The following SF3B3 variants were observed in gnomAD, a reference collection of about 807,000 sequenced individuals.
The protein encoded by SF3B3 is SAP 130.
A neutral mutation model predicts 139.2 loss-of-function variants in SF3B3; 33 were observed. That is an observed-to-expected ratio of 0.24 (90% CI 0.18 to 0.32). The LOEUF (loss-of-function observed/expected upper bound fraction) is 0.32. Among genes scored for constraint, SF3B3 ranks in the 10% least tolerant of loss-of-function variants. The pLI is 1.00. For missense variants in SF3B3, 818 were observed against 1,509.4 expected (o/e 0.54, Z 7.59); for synonymous variants, 596 against 563.6 (o/e 1.06, Z -0.81).
chr16:70,561,627 C>A lies in SF3B3; in HGVS notation c.2134-3C>A. The stretch of plus-strand genomic sequence containing the variant: ...TGGAGCTGGGTTTTTTTTTTCCCCT[C>A]AGGTATTGGCCATGTCAAGCCGCTC... On this transcript the variant is annotated splice_region_variant and splice_polypyrimidine_tract_variant and intron_variant, in intron 16 of 25. Coordinates refer to ENST00000302516, the MANE Select transcript of SF3B3 (RefSeq NM_012426.5). 6.2e-7 allele frequency: 1 copy of A among 1,606,192 alleles called. No individual in the cohort carries two copies.
chr16:70,540,028 A>G (rs1166486912), intron 8 of SF3B3, among the ~76,000 whole-genome samples: 1 of 146,742 alleles, frequency 6.8e-6, no homozygotes, highest in Non-Finnish European at 1.5e-5. Context: ...GCCTGCCTCG[A>G]CCTCCCAAAG....
Position 70,544,495 on chromosome 16 carries a change from C to A in SF3B3, c.1291C>A (p.Pro431Thr). ...GTTGTATGTGGCCTGTGGTAGGGGACCCCGATCATCTCTGAGAGTCCTAAG... is the reference window on the plus strand; with the variant it reads ...GTTGTATGTGGCCTGTGGTAGGGGAACCCGATCATCTCTGAGAGTCCTAAG... ...PQLYVACGRGPRSSLRVLRHG... is the reference protein window; with the variant it reads ...PQLYVACGRGTRSSLRVLRHG... The change falls in exon 10 of 26, where the codon CCC (proline) becomes ACC (threonine). Residue 431 changes from proline to threonine, a missense_variant. Physicochemically the swap from Pro to Thr is conservative, Grantham distance 38. Coordinates refer to ENST00000302516, the MANE Select transcript of SF3B3 (RefSeq NM_012426.5). 1.2e-6 allele frequency: 2 copies of A among 1,611,972 alleles called. No homozygotes were observed. Among genetic ancestry groups the A allele is most frequent in the Non-Finnish European group, 1.7e-6 (2 of 1,178,116 alleles).
chr16:70,556,511 G>A (rs909538824), intron 14 of SF3B3, 177 bp downstream of exon 14: 2 of 681,174 alleles, frequency 2.9e-6, no homozygotes, highest in African/African-American at 3.6e-5. Flanking sequence ...GTTTCCTGCT[G>A]TGGTTTAAGG....
chr16:70,571,720 C>G lies in SF3B3; in HGVS notation c.3561C>G (p.Pro1187=), dbSNP rs750914011. The change falls in exon 26 of 26, where the codon CCC becomes CCG. Residue 1187 remains proline, a synonymous_variant. Coordinates refer to ENST00000302516, the MANE Select transcript of SF3B3 (RefSeq NM_012426.5). ...DLCEQFNSME[P]NKQKNVSEEL... ...GTGAGCAGTTCAATTCCATGGAACCCAACAAACAAAAGAACGTCTCTGAAG... is the reference window on the plus strand; with the variant it reads ...GTGAGCAGTTCAATTCCATGGAACCGAACAAACAAAAGAACGTCTCTGAAG... 15 of 1,613,948 alleles carry G rather than the reference C, an allele frequency of 9.3e-6. No individual in the cohort carries two copies. In the South Asian group the frequency reaches 1.4e-4, roughly 15 times the overall value.
chr16:70,565,416 G>A lies in SF3B3; in HGVS notation c.2718G>A (p.Leu906=), dbSNP rs1371449077. The A allele has an allele frequency of 6.2e-7, 1 of 1,614,048 alleles. No homozygotes were observed. Among genetic ancestry groups the A allele is most frequent in the Non-Finnish European group, 8.5e-7 (1 of 1,180,038 alleles). Residue 906 remains leucine (L), a synonymous_variant, in exon 20 of 26, where the codon CTG becomes CTA. Transcript: ENST00000302516. The part of the protein sequence containing the change: ...FSNTGEDWYV[L]VGVAKDLILN... ...ACACTGGTGAAGACTGGTATGTGCT[G>A]GTGGGTGTGGCCAAGGACCTGATAC... is the stretch of plus-strand genomic sequence containing the variant.
At position 70,532,357 on chromosome 16, in the gene SF3B3, C is replaced by CAAA. The variant is rs10524385; in HGVS notation, c.571-114_571-112dup. Reference sequence around the variant, plus strand: ...GTGACATAGTGAGAACCTGTCTCTCCAAAAAAAAAAGAAGACATTTGTGGA... The same window carrying CAAA: ...GTGACATAGTGAGAACCTGTCTCTCCAAAAAAAAAAAAAGAAGACATTTGTGGA... On this transcript the variant is annotated intron_variant, in intron 4 of 25. Transcript: ENST00000302516. 676 of 522,594 alleles carry CAAA rather than the reference C, an allele frequency of 1.3e-3. 25 individuals carry two copies. In the African/African-American group the frequency reaches 0.02, roughly 15 times the overall value. 32.4% of individuals were successfully genotyped at this position (522,594 alleles called of 1,614,324 possible).
chr16:70,569,792 C>T, intron 23 of SF3B3: 1 of 522,006 alleles, frequency 1.9e-6, no homozygotes. Flanking sequence ...CCAAACCTGG[C>T]AGATTTTGTG....
Position 70,560,478 on chromosome 16 carries a change from C to T in SF3B3, c.2020C>T (p.Leu674=), listed in dbSNP as rs200755204. ...YLNIGLQNGV[L]LRTVLDPVTG... is the part of the protein sequence containing the mutation. ...CTCTCCTTTTGATTAGAACGGTGTGCTGCTGAGGACTGTCTTGGACCCTGT... is the reference window on the plus strand; with the variant it reads ...CTCTCCTTTTGATTAGAACGGTGTGTTGCTGAGGACTGTCTTGGACCCTGT... The change falls in exon 16 of 26, where the codon CTG becomes TTG. Residue 674 remains leucine (L), a synonymous_variant. Transcript: ENST00000302516. The T allele has an allele frequency of 5.0e-5, 81 of 1,613,436 alleles. No homozygotes were observed. The highest frequency in any genetic ancestry group is 5.1e-6 in the Non-Finnish European group (6 of 1,179,552).
chr16:70,553,378 T>C (rs1380601876), intron 11 of SF3B3, among the ~76,000 whole-genome samples: 2 of 152,174 alleles, frequency 1.3e-5, no homozygotes, highest in African/African-American at 4.8e-5. Flanking sequence ...CCTGTGGCAT[T>C]GAGCTCTTGA....
rs777906857 is a variant in SF3B3 at position 70,538,480 on chromosome 16, A to G, written c.963+20A>G. 1 of 1,601,292 alleles carries G rather than the reference A, an allele frequency of 6.2e-7. No homozygotes were observed. Among genetic ancestry groups the G allele is most frequent in the Non-Finnish European group, 8.5e-7 (1 of 1,169,608 alleles). On this transcript the variant is annotated intron_variant, in intron 7 of 25. Coordinates refer to ENST00000302516, the MANE Select transcript of SF3B3 (RefSeq NM_012426.5). ...GATATGGTAAGTAGACCATGGATGG[A>G]CCAGTATAGCTACTCTATGAGATGA...
chr16:70,530,654 A>T (rs2151775522), intron 3 of SF3B3, 91 bp from the exon 4 acceptor site: 2 of 1,092,718 alleles, frequency 1.8e-6, no homozygotes, highest in Non-Finnish European at 1.3e-6. Context: ...AATAATGATT[A>T]AAAGAAAAGC....
At chr16:70,536,258 C>G (rs192404821) in intron 6 of SF3B3, among the ~76,000 whole-genome samples, 1 of 152,020 alleles carries the variant, frequency 6.6e-6, no homozygotes, top group African/African-American at 2.4e-5. Context: ...ACCTCTGCCC[C>G]CCGGGTTCAA....
chr16:70,536,072 A>T (rs2050162911), intron 6 of SF3B3, among the ~76,000 whole-genome samples: 1 of 152,054 alleles, frequency 6.6e-6, no homozygotes, highest in Non-Finnish European at 1.5e-5. Flanking sequence ...TACCTTATGT[A>T]TAGTTTATAT....
chr16:70,568,235 G>C (rs2050495544), intron 21 of SF3B3, 48 bp from the exon 22 acceptor site: 3 of 1,455,170 alleles, frequency 2.1e-6, no homozygotes, highest in Non-Finnish European at 9.6e-7. Flanking sequence ...TTTGGGTTCT[G>C]AACCCCAAGA....
chr16:70,552,523 G>T (rs1438431930), intron 11 of SF3B3, among the ~76,000 whole-genome samples: 2 of 152,148 alleles, frequency 1.3e-5, no homozygotes, highest in African/African-American at 2.4e-5. Context: ...GTCTTACAAA[G>T]CCATCTTATA....
At chr16:70,539,412 G>T (rs1180297829) in intron 8 of SF3B3, among the ~76,000 whole-genome samples, 1 of 152,122 alleles carries the variant, frequency 6.6e-6, no homozygotes, top group Non-Finnish European at 1.5e-5. Context: ...GCTGGACATG[G>T]TGGCGGGCAC....
At chr16:70,569,873 C>A in intron 23 of SF3B3, 133 bp from the exon 24 acceptor site, 1 of 953,566 alleles carries the variant, frequency 1.0e-6, no homozygotes, top group Non-Finnish European at 1.6e-6. Flanking sequence ...GCAATCCTCC[C>A]ACGTTGGCCT....
At chr16:70,535,950 C>G (rs749530497) in intron 6 of SF3B3, among the ~76,000 whole-genome samples, 1 of 151,948 alleles carries the variant, frequency 6.6e-6, no homozygotes, top group South Asian at 2.1e-4. Flanking sequence ...ATTATGATGC[C>G]TCACTCCAGT....
chr16:70,569,422 G>A (rs1597725350), intron 23 of SF3B3, among the ~76,000 whole-genome samples: 1 of 152,092 alleles, frequency 6.6e-6, no homozygotes, highest in African/African-American at 2.4e-5. Flanking sequence ...GGACTTTCGG[G>A]CAAATCTATT....
Sources: allele counts gnomAD v4.1 joint callset (sites outside exome capture counted in the v4.1 genomes callset), GRCh38; gene constraint gnomAD v4.1.1; transcripts MANE v1.5; gene names NCBI Gene and HGNC (gene_info 2026-07-23, HGNC 2026-07-21).